Variants in ZNF236 observed in about 807,000 individuals in gnomAD.
ZNF236 encodes regulated by glucose.
Under a neutral mutation model 191.2 loss-of-function variants are expected in ZNF236, and 50 were observed. That is an observed-to-expected ratio of 0.26 (90% CI 0.21 to 0.33). ZNF236 has a LOEUF of 0.33. Ranked by LOEUF, ZNF236 falls within the 10% of genes least tolerant of loss-of-function variation. ZNF236 has a pLI of 1.00. For missense variants in ZNF236, 1,754 were observed against 2,374.5 expected (o/e 0.74, Z 5.43); for synonymous variants, 907 against 928.8 (o/e 0.98, Z 0.43).
rs200004919 is a variant in ZNF236 at position 76,880,050 on chromosome 18, A to T, written c.985-63A>T. ...GGGTATTGCCTGTTTTTTTTTTTTTAATTTTCCTTTTTAAATTGAAGAGCA... is the reference window on the plus strand; with the variant it reads ...GGGTATTGCCTGTTTTTTTTTTTTTTATTTTCCTTTTTAAATTGAAGAGCA... On this transcript the variant is annotated intron_variant, in intron 7 of 30. Coordinates refer to ENST00000320610, the MANE Select transcript of ZNF236 (RefSeq NM_001306089.2). This position sits in a 1 kb window ranked among gnomAD's most constrained non-coding sequence, Gnocchi z 5.0. The T allele has an allele frequency of 2.0e-4, 226 of 1,111,810 alleles. No homozygotes were observed. In the Middle Eastern group the frequency reaches 2.4e-3, roughly 12 times the overall value. 68.9% of individuals were successfully genotyped at this position (1,111,810 alleles called of 1,614,324 possible).
At chr18:76,860,787 A>T (rs1976196649) in intron 3 of ZNF236, among the ~76,000 whole-genome samples, 2 of 152,178 alleles carry the variant, frequency 1.3e-5, no homozygotes, top group Admixed American at 1.3e-4. Context: ...TTTGAGAAAT[A>T]TGTGTTTTCT....
intron 20 of ZNF236, among the ~76,000 whole-genome samples, chr18:76,922,731 A>G (rs900565049): frequency 6.6e-6 from 1 of 151,616 alleles, no homozygotes; most frequent in Non-Finnish European, 1.5e-5. Context: ...TAATTTTTGT[A>G]TTTTCAGTAG....
intron 17 of ZNF236, 103 bp downstream of exon 17, chr18:76,912,450 A>G (rs111722250): frequency 4.3e-6 from 3 of 701,632 alleles, no homozygotes; most frequent in South Asian, 1.9e-5. Flanking sequence ...CATTCTCTCA[A>G]AACTGTTCAA....
intron 1 of ZNF236, among the ~76,000 whole-genome samples, chr18:76,845,002 T>G (rs1975632062): frequency 6.6e-6 from 1 of 152,188 alleles, no homozygotes. Flanking sequence ...CTTGTCCTAG[T>G]AGCTACAGGA....
intron 3 of ZNF236, among the ~76,000 whole-genome samples, chr18:76,865,884 C>T (rs573433160): frequency 3.9e-5 from 6 of 152,280 alleles, no homozygotes; most frequent in African/African-American, 1.4e-4. Flanking sequence ...ACTAAATTAA[C>T]TTTTTAGTTT....
intron 3 of ZNF236, among the ~76,000 whole-genome samples, chr18:76,857,742 T>C (rs1976086941): frequency 6.6e-6 from 1 of 152,210 alleles, no homozygotes; most frequent in South Asian, 2.1e-4. Flanking sequence ...TGTCTCTCTT[T>C]GTAATGAGAA....
chr18:76,836,647 G>A (rs1446390211), intron 1 of ZNF236, among the ~76,000 whole-genome samples: 6 of 151,282 alleles, frequency 4.0e-5, no homozygotes, highest in African/African-American at 1.5e-4. Context: ...GTGCGATCTC[G>A]GCTCACTGCA....
intron 9 of ZNF236, among the ~76,000 whole-genome samples, chr18:76,892,950 C>T (rs1180358554): frequency 1.3e-5 from 2 of 152,236 alleles, no homozygotes; most frequent in African/African-American, 2.4e-5. Context: ...CGGATCTTTC[C>T]ATTTGTCAGA....
intron 26 of ZNF236, among the ~76,000 whole-genome samples, chr18:76,942,589 G>T (rs2122898012): frequency 6.6e-6 from 1 of 151,616 alleles, no homozygotes; most frequent in African/African-American, 2.4e-5. Context: ...TCCGCTCAGT[G>T]CAAGCTCCGC....
At chr18:76,908,268 AGTAACCTTT>A (rs1967112237) in intron 13 of ZNF236, 43 bp from the exon 14 acceptor site, 1 of 1,560,872 alleles carries the variant, frequency 6.4e-7, no homozygotes, top group Admixed American at 1.8e-5. Context: ...ATCCCAGGCA[AGTAACCTTT>A]GACAGCATCT....
chr18:76,879,924 A>G (rs117017371), intron 7 of ZNF236, among the ~76,000 whole-genome samples, 189 bp from the exon 8 acceptor site: 2,319 of 152,252 alleles, frequency 0.015, 27 homozygotes, highest in Middle Eastern at 0.02. Context: ...CAATGTATTG[A>G]GTATATTAAG....
chr18:76,893,662 C>T (rs770467823), intron 9 of ZNF236, among the ~76,000 whole-genome samples: 9 of 152,166 alleles, frequency 5.9e-5, no homozygotes, highest in Non-Finnish European at 1.3e-4. Flanking sequence ...CATGCACCAC[C>T]GCACCTGGCT....
chr18:76,898,713 G>A (rs1161961326), intron 10 of ZNF236, among the ~76,000 whole-genome samples: 2 of 152,182 alleles, frequency 1.3e-5, no homozygotes, highest in African/African-American at 2.4e-5. Flanking sequence ...TTAAGAGAGA[G>A]AGCATCCTTA....
intron 1 of ZNF236, among the ~76,000 whole-genome samples, chr18:76,828,996 T>C (rs1434673712): frequency 6.6e-6 from 1 of 152,178 alleles, no homozygotes; most frequent in Non-Finnish European, 1.5e-5. Context: ...TTAGATAACC[T>C]CTAAAGATTT....
intron 18 of ZNF236, among the ~76,000 whole-genome samples, chr18:76,915,106 T>C (rs1967322156): frequency 6.6e-6 from 1 of 152,028 alleles, no homozygotes; most frequent in Non-Finnish European, 1.5e-5. Flanking sequence ...AAGACAGAAA[T>C]AGGAGGAAAA....
intron 26 of ZNF236, among the ~76,000 whole-genome samples, chr18:76,942,871 C>T (rs889009645): frequency 1.3e-5 from 2 of 149,794 alleles, no homozygotes; most frequent in African/African-American, 2.4e-5. Flanking sequence ...GCCTGTAAAA[C>T]CTAGGACTTT....
chr18:76,834,524 G>A (rs1052372707), intron 1 of ZNF236: 11 of 482,546 alleles, frequency 2.3e-5, no homozygotes, highest in African/African-American at 9.8e-5. Flanking sequence ...AGCATTTTGC[G>A]GTCTTTGTCC....
chr18:76,844,703 A>G (rs1372715086), intron 1 of ZNF236, among the ~76,000 whole-genome samples: 1 of 152,220 alleles, frequency 6.6e-6, no homozygotes, highest in Non-Finnish European at 1.5e-5. Flanking sequence ...AATCCATGGA[A>G]TGCTATAAAT....
At chr18:76,916,797 C>G (rs192556167) in intron 19 of ZNF236, among the ~76,000 whole-genome samples, 1 of 152,136 alleles carries the variant, frequency 6.6e-6, no homozygotes, top group African/African-American at 2.4e-5. Flanking sequence ...ACAGTTGGTG[C>G]GCAGTGTTGT....
Sources: gnomAD v4.1 joint callset for allele counts (sites outside exome capture counted in the v4.1 genomes callset) on GRCh38, gnomAD v4.1.1 for gene constraint, Gnocchi (gnomAD v3.1) non-coding constraint, MANE v1.5 for transcripts, NCBI Gene and HGNC (gene_info 2026-07-23, HGNC 2026-07-21) for gene names.